PRKX: variants seen among roughly 807,000 people sequenced by gnomAD.
The protein encoded by PRKX is cAMP-dependent protein kinase catalytic subunit PRKX.
PRKX carries 12 observed loss-of-function variants against 22.0 expected under a neutral mutation model. That is an observed-to-expected ratio of 0.54 (90% confidence interval 0.35 to 0.88). The LOEUF (loss-of-function observed/expected upper bound fraction) is 0.88. Ranked by LOEUF, PRKX falls within the 40% of genes least tolerant of loss-of-function variation. The probability of loss-of-function intolerance (pLI) is 0.01; values close to 1 mark genes in which losing one functional copy is unlikely to be tolerated. For synonymous variants in PRKX, 134 were observed against 137.7 expected (o/e 0.97, Z 0.19); for missense variants, 217 against 308.0 (o/e 0.70, Z 2.21).
rs550778136 is a variant in PRKX, at chrX:3,632,134, C to T, written c.720-5620G>A. ...AGAAAGGTAAATGATTAGGTGCGTG[C>T]GACGTGGCCCTAACACAGCATTTCT... is the stretch of plus-strand genomic sequence containing the variant. On this transcript the variant is annotated intron_variant, in intron 4 of 8. Coordinates refer to ENST00000262848, the MANE Select transcript of PRKX (RefSeq NM_005044.5). Among the ~76,000 whole-genome samples the T allele has an allele frequency of 1.6e-4, 18 of 111,968 alleles. No individual in the cohort carries two copies. In the South Asian group the frequency reaches 6.0e-3, roughly 37 times the overall value.
chrX:3,637,009 G>C (rs1325400351), intron 4 of PRKX, among the ~76,000 whole-genome samples: 1 of 93,311 alleles, frequency 1.1e-5, no homozygotes, highest in Non-Finnish European at 2.3e-5. Context: ...GAAAGGAAGA[G>C]GGAGAGGGGA....
intron 2 of PRKX, among the ~76,000 whole-genome samples, chrX:3,659,743 T>A (rs1927555989): frequency 1.1e-5 from 1 of 91,967 alleles, no homozygotes. Flanking sequence ...TTTTTTTTTT[T>A]GAGACAGTCT....
chrX:3,678,608 TGTCA>T, intron 1 of PRKX, among the ~76,000 whole-genome samples: 1 of 112,226 alleles, frequency 8.9e-6, no homozygotes, highest in East Asian at 2.8e-4. Context: ...TGGGAGATAT[TGTCA>T]GTCCCGCCAA....
chrX:3,609,407 C>T (rs755113621), intron 8 of PRKX, among the ~76,000 whole-genome samples: 2 of 111,549 alleles, frequency 1.8e-5, no homozygotes, highest in African/African-American at 3.3e-5. Context: ...ATGATCCATG[C>T]GCCTCGGCCT....
chrX:3,700,084 T>C (rs932737530), intron 1 of PRKX, among the ~76,000 whole-genome samples: 1 of 111,581 alleles, frequency 9.0e-6, no homozygotes, highest in Non-Finnish European at 1.9e-5. Context: ...CACATCAGAC[T>C]ACAAAAAACC....
intron 2 of PRKX, among the ~76,000 whole-genome samples, chrX:3,666,778 C>G (rs778244984): frequency 9.3e-6 from 1 of 107,961 alleles, no homozygotes; most frequent in South Asian, 4.2e-4. Flanking sequence ...CGTGGTAGTG[C>G]GCACCTGTAG....
At position 3,713,410 on chromosome X, in the gene PRKX, G is replaced by A. The variant is rs1603475047; in HGVS notation, c.-157C>T. ...TGGTGCGCGGTCCGGCGCGGCTGAC[G>A]GAGCGACGGGGACAATGGCTGGGCG... On this transcript the variant is annotated 5_prime_UTR_variant, in exon 1 of 9. Coordinates refer to ENST00000262848, the MANE Select transcript of PRKX (RefSeq NM_005044.5). 5.1e-6 allele frequency: 2 copies of A among 390,944 alleles called. No homozygotes were observed. Among genetic ancestry groups the A allele is most frequent in the Non-Finnish European group, 7.7e-6 (2 of 260,065 alleles). The allele number at this position is 390,944 out of a possible 1,213,427, so 32.2% of individuals were successfully genotyped here.
At chrX:3,636,078 C>G (rs1319595861) in intron 4 of PRKX, among the ~76,000 whole-genome samples, 4 of 112,624 alleles carry the variant, frequency 3.6e-5, no homozygotes, top group African/African-American at 1.3e-4. Context: ...AAAATAAAAT[C>G]TGCATCATGA....
chrX:3,660,489 A>G (rs1453612199), intron 2 of PRKX, among the ~76,000 whole-genome samples: 1 of 111,994 alleles, frequency 8.9e-6, no homozygotes, highest in Non-Finnish European at 1.9e-5. Flanking sequence ...ACACACACAT[A>G]CAAACACACT....
chrX:3,664,398 C>A (rs1299457873), intron 2 of PRKX, among the ~76,000 whole-genome samples: 1 of 111,446 alleles, frequency 9.0e-6, no homozygotes, highest in African/African-American at 3.3e-5. Flanking sequence ...CACCATCCCT[C>A]GCTATTTCTT....
At chrX:3,623,436 G>A (rs1377935736) in intron 5 of PRKX, among the ~76,000 whole-genome samples, 1 of 110,338 alleles carries the variant, frequency 9.1e-6, no homozygotes, top group Non-Finnish European at 1.9e-5. Context: ...CATGCCTGTA[G>A]CACCAGTTAC....
intron 2 of PRKX, among the ~76,000 whole-genome samples, chrX:3,669,763 A>G (rs1927811259): frequency 9.0e-6 from 1 of 111,145 alleles, no homozygotes. Context: ...TCATCTATCT[A>G]CTCACCTATC....
intron 5 of PRKX, among the ~76,000 whole-genome samples, chrX:3,622,153 C>CAAAAACAAACAACAACAACGACAACA (rs2146560723): frequency 9.2e-6 from 1 of 108,283 alleles, no homozygotes; most frequent in East Asian, 2.9e-4. Flanking sequence ...CAAAAAAAAA[C>CAAAAACAAACAACAACAACGACAACA]AAAAACAAAC....
intron 4 of PRKX, among the ~76,000 whole-genome samples, chrX:3,640,845 C>T (rs1334487851): frequency 5.4e-5 from 6 of 111,496 alleles, no homozygotes; most frequent in Non-Finnish European, 7.5e-5. Context: ...ACCAAGATGG[C>T]GACAAGTGAC....
At chrX:3,640,467 G>A (rs1927055376) in intron 4 of PRKX, among the ~76,000 whole-genome samples, 1 of 112,142 alleles carries the variant, frequency 8.9e-6, no homozygotes. Context: ...GTTTCCAAGT[G>A]TTGCGTGCTT....
chrX:3,612,032 A>G (rs1196773126), intron 8 of PRKX, 145 bp downstream of exon 8: 9 of 478,721 alleles, frequency 1.9e-5, no homozygotes, highest in South Asian at 1.4e-4. Context: ...TATTTCGCTG[A>G]CCCTTGCAAT....
chrX:3,671,398 A>G (rs1386910123), intron 2 of PRKX, among the ~76,000 whole-genome samples: 1 of 111,570 alleles, frequency 9.0e-6, no homozygotes, highest in Non-Finnish European at 1.9e-5. Context: ...CTCGGCCCCA[A>G]ATCAGAGAAT....
At chrX:3,709,477 T>A (rs1373365387) in intron 1 of PRKX, among the ~76,000 whole-genome samples, 1 of 111,506 alleles carries the variant, frequency 9.0e-6, no homozygotes, top group Non-Finnish European at 1.9e-5. Context: ...AATGCAGAAC[T>A]AGGCTGAGAA....
intron 1 of PRKX, among the ~76,000 whole-genome samples, chrX:3,701,214 T>A: frequency 9.0e-6 from 1 of 111,248 alleles, no homozygotes; most frequent in Admixed American, 9.6e-5. Context: ...GCTCAAATGA[T>A]CCTCCTGCCT....
Sources: allele counts gnomAD v4.1 joint callset (sites outside exome capture counted in the v4.1 genomes callset), GRCh38; gene constraint gnomAD v4.1.1; transcripts MANE v1.5; gene names NCBI Gene and HGNC (gene_info 2026-07-23, HGNC 2026-07-21).